FAM200B: variants seen among roughly 807,000 people sequenced by gnomAD.
The protein encoded by FAM200B is zinc finger BED-type containing 11.
FAM200B carries 32 observed loss-of-function variants against 33.1 expected under a neutral mutation model. The ratio of observed to expected loss-of-function variants is 0.97; its 90% CI spans 0.73 to 1.30. The LOEUF (loss-of-function observed/expected upper bound fraction) is 1.30, where lower values mean the gene tolerates loss of function less well. Ranked by LOEUF, FAM200B falls within the 50% of genes most tolerant of loss-of-function variation. The pLI, the probability that FAM200B is intolerant of heterozygous loss-of-function variation, is 0.00. For missense variants in FAM200B, 741 were observed against 754.0 expected (o/e 0.98, Z 0.20); for synonymous variants, 240 against 264.8 (o/e 0.91, Z 0.91).
In FAM200B at chr4:15,688,938, C is replaced by G. The variant is rs577833555; in HGVS notation, c.1961C>G (p.Ala654Gly). ...TGGAATGAACTTATGAACAGGCAAG[C>G]ACACCCATCATAGTAAATAAAAATC... ...PDWNELMNRQ[A>G]HPS is the part of the protein sequence containing the mutation. Residue 654 changes from alanine (A) to glycine (G), a missense_variant, in exon 2 of 2, where the codon GCA becomes GGA. Ala to Gly is a moderately conservative substitution (Grantham distance 60). Coordinates refer to ENST00000422728, the MANE Select transcript of FAM200B (RefSeq NM_001145191.2). The G allele has an allele frequency of 3.0e-4, 449 of 1,491,074 alleles. No homozygotes were observed. Among genetic ancestry groups the G allele is most frequent in the Non-Finnish European group, 3.8e-4 (428 of 1,115,798 alleles). 92.4% of individuals were successfully genotyped at this position (1,491,074 alleles called of 1,614,324 possible).
At chr4:15,661,661 T>C in the FAM200B span, among the ~76,000 whole-genome samples, 4 of 152,216 alleles carry the variant, frequency 2.6e-5, no homozygotes, top group African/African-American at 7.2e-5. Flanking sequence ...CATGTATTAG[T>C]TATCTGTTGT....
Position 15,688,281 on chromosome 4 carries a change from T to G in FAM200B, c.1304T>G (p.Ile435Ser). The change falls in exon 2 of 2, where the codon ATT becomes AGT. Residue 435 changes from isoleucine (I) to serine (S), a missense_variant. Ile to Ser is a moderately radical substitution (Grantham distance 142). Transcript: ENST00000422728. ...WVTKLAYLTDIFSILNELSLK... is the reference protein window; with the variant it reads ...WVTKLAYLTDSFSILNELSLK... ...ACAAAATTGGCATATTTAACTGATA[T>G]TTTTAGCATTCTTAATGAACTGAGT... is the stretch of plus-strand genomic sequence containing the variant. 1 of 1,548,334 alleles carries G rather than the reference T, an allele frequency of 6.5e-7. No individual in the cohort carries two copies. Among genetic ancestry groups the G allele is most frequent in the Non-Finnish European group, 8.7e-7 (1 of 1,144,104 alleles).
the FAM200B span, among the ~76,000 whole-genome samples, chr4:15,647,903 C>T: frequency 1.3e-5 from 2 of 152,134 alleles, no homozygotes; most frequent in African/African-American, 4.8e-5. Context: ...ACCCAGGCTG[C>T]AGTGCAGTGG....
chr4:15,668,658 A>C, the FAM200B span, among the ~76,000 whole-genome samples: 4 of 152,216 alleles, frequency 2.6e-5, no homozygotes, highest in Middle Eastern at 6.3e-3. Flanking sequence ...ATAAAGGCTT[A>C]AAATCTTCAA....
At chr4:15,666,040 C>A in the FAM200B span, among the ~76,000 whole-genome samples, 8 of 151,536 alleles carry the variant, frequency 5.3e-5, no homozygotes, top group African/African-American at 1.5e-4. Flanking sequence ...AAAAAAATGA[C>A]CATTTCCTCA....
chr4:15,669,807 T>C, the FAM200B span, among the ~76,000 whole-genome samples: 1,994 of 152,340 alleles, frequency 0.013, 55 homozygotes, highest in African/African-American at 0.046. Flanking sequence ...TAAGTAATAA[T>C]ACCACATATT....
At chr4:15,669,041 G>C in the FAM200B span, among the ~76,000 whole-genome samples, 2 of 152,106 alleles carry the variant, frequency 1.3e-5, no homozygotes, top group Admixed American at 6.6e-5. Context: ...TAGGAAGATC[G>C]GTTAGTACAG....
chr4:15,652,760 T>C, the FAM200B span, among the ~76,000 whole-genome samples: 439 of 152,288 alleles, frequency 2.9e-3, 6 homozygotes, highest in African/African-American at 0.01. Flanking sequence ...ATATTGAAAA[T>C]AGTAACTGAC....
chr4:15,688,894 A>G lies in FAM200B; in HGVS notation c.1917A>G (p.Leu639=). Reference sequence around the variant, plus strand: ...GTGCAGCAGTTATGCGGGTAGCATTATCTTCCTGTGTTCCAGACTGGAATG... The same window carrying G: ...GTGCAGCAGTTATGCGGGTAGCATTGTCTTCCTGTGTTCCAGACTGGAATG... ...LNCAAVMRVA[L]SSCVPDWNEL... is the part of the protein sequence containing the mutation. Residue 639 remains leucine (L), a synonymous_variant, in exon 2 of 2, where the codon TTA becomes TTG. Coordinates refer to ENST00000422728, the MANE Select transcript of FAM200B (RefSeq NM_001145191.2). 1 of 1,548,768 alleles carries G rather than the reference A, an allele frequency of 6.5e-7. No homozygotes were observed. Among genetic ancestry groups the G allele is most frequent in the Middle Eastern group, 1.7e-4 (1 of 5,972 alleles).
chr4:15,647,145 C>T, the FAM200B span, among the ~76,000 whole-genome samples: 1,092 of 148,218 alleles, frequency 7.4e-3, 21 homozygotes, highest in African/African-American at 0.026. Context: ...ATCACTTGAA[C>T]CCAGGAGGCA....
intron 1 of FAM200B, among the ~76,000 whole-genome samples, chr4:15,683,064 T>C (rs1718482850): frequency 6.6e-6 from 1 of 152,142 alleles, no homozygotes; most frequent in Non-Finnish European, 1.5e-5. Flanking sequence ...TAGAGATATA[T>C]CTTAGGATAT....
chr4:15,685,857 A>G (rs1010153086), intron 1 of FAM200B, among the ~76,000 whole-genome samples: 2 of 152,208 alleles, frequency 1.3e-5, no homozygotes, highest in Admixed American at 1.3e-4. Flanking sequence ...ACTGAAATAT[A>G]CTATGATCCA....
At chr4:15,648,851 T>G in the FAM200B span, among the ~76,000 whole-genome samples, 38 of 152,266 alleles carry the variant, frequency 2.5e-4, no homozygotes, top group Non-Finnish European at 4.9e-4. Flanking sequence ...TGAGAGTACA[T>G]CCTCTGTGTC....
At chr4:15,641,445 C>T in the FAM200B span, 10 of 356,786 alleles carry the variant, frequency 2.8e-5, no homozygotes. Context: ...TTATGATGAT[C>T]CACTTCCACT....
chr4:15,638,729 T>A, the FAM200B span: 1 of 1,328,460 alleles, frequency 7.5e-7, no homozygotes, highest in Non-Finnish European at 1.1e-6. Context: ...GGAAAGATGC[T>A]TCATTCGTGT....
At chr4:15,681,634 G>T (rs1009587239), upstream of FAM200B, 6 of 152,530 alleles carry the variant, frequency 3.9e-5, no homozygotes, top group African/African-American at 1.4e-4. Flanking sequence ...CGCGAGAGGC[G>T]GAAATCCCGC....
chr4:15,646,165 AC>A, the FAM200B span, among the ~76,000 whole-genome samples: 2 of 152,264 alleles, frequency 1.3e-5, no homozygotes, highest in African/African-American at 2.4e-5. Flanking sequence ...GTCATAGACA[AC>A]ATGTAAATGA....
At chr4:15,657,857 G>T in the FAM200B span, among the ~76,000 whole-genome samples, 131 of 152,248 alleles carry the variant, frequency 8.6e-4, no homozygotes, top group African/African-American at 2.8e-3. Context: ...TAAGACCAAG[G>T]TTGTCACTTT....
the FAM200B span, among the ~76,000 whole-genome samples, chr4:15,669,238 CT>C: frequency 6.6e-6 from 1 of 152,168 alleles, no homozygotes; most frequent in Non-Finnish European, 1.5e-5. Context: ...TATATACAGC[CT>C]CTTGCTCCTA....
Sources: gnomAD v4.1 joint callset for allele counts (sites outside exome capture counted in the v4.1 genomes callset) on GRCh38, gnomAD v4.1.1 for gene constraint, MANE v1.5 for transcripts, NCBI Gene and HGNC (gene_info 2026-07-23, HGNC 2026-07-21) for gene names.